Variants in SOX5 observed in about 807,000 individuals in gnomAD.
SOX5 encodes the protein transcription factor SOX-5.
In SOX5, 9 loss-of-function variants were observed where a neutral mutation model predicts 92.0. That is an observed-to-expected ratio of 0.10 (90% CI 0.06 to 0.17). The LOEUF (loss-of-function observed/expected upper bound fraction) is 0.17. SOX5 is among the 10% of genes least tolerant of loss of function. The pLI, the probability that SOX5 is intolerant of heterozygous loss-of-function variation, is 1.00. For synonymous variants in SOX5, 344 were observed against 336.3 expected (o/e 1.02, Z -0.25); for missense variants, 642 against 944.5 (o/e 0.68, Z 4.20).
intron 3 of SOX5, among the ~76,000 whole-genome samples, chr12:23,770,051 T>TTTTG (rs2094877321): frequency 6.8e-6 from 1 of 148,036 alleles, no homozygotes; most frequent in South Asian, 2.2e-4. Flanking sequence ...TCCCTCTGTT[T>TTTTG]TTTTTTTTTT....
intron 1 of SOX5, among the ~76,000 whole-genome samples, chr12:24,395,624 A>T (rs1959720952): frequency 6.6e-6 from 1 of 152,246 alleles, no homozygotes; most frequent in African/African-American, 2.4e-5. Flanking sequence ...AAATGAAAAT[A>T]TGCAATATAA....
At chr12:23,900,499 A>C (rs1471285384) in intron 1 of SOX5, among the ~76,000 whole-genome samples, 1 of 152,172 alleles carries the variant, frequency 6.6e-6, no homozygotes, top group East Asian at 1.9e-4. Flanking sequence ...CAGTGGTTCT[A>C]AACCTTTGCC....
At chr12:24,431,506 C>G (rs933010243) in intron 1 of SOX5, among the ~76,000 whole-genome samples, 7 of 152,206 alleles carry the variant, frequency 4.6e-5, no homozygotes, top group Non-Finnish European at 7.3e-5. Context: ...CTAAACATAT[C>G]TATCACCTCC....
intron 11 of SOX5, among the ~76,000 whole-genome samples, chr12:23,556,485 C>T (rs1293475634): frequency 1.3e-5 from 2 of 152,058 alleles, no homozygotes; most frequent in Non-Finnish European, 2.9e-5. Flanking sequence ...CAAATTCTAA[C>T]CAGAGGATTT....
chr12:24,507,911 G>C (rs1226484855), intron 1 of SOX5, among the ~76,000 whole-genome samples: 1 of 150,886 alleles, frequency 6.6e-6, no homozygotes, highest in Non-Finnish European at 1.5e-5. Context: ...TTTTTTTTTA[G>C]TTTTACCAAG....
intron 2 of SOX5, among the ~76,000 whole-genome samples, chr12:23,891,080 T>C (rs866415817): frequency 6.6e-6 from 1 of 152,234 alleles, no homozygotes; most frequent in Non-Finnish European, 1.5e-5. Flanking sequence ...ATTAGAAATC[T>C]GACAATATTT....
intron 1 of SOX5, among the ~76,000 whole-genome samples, chr12:23,915,315 A>G (rs868234617): frequency 6.4e-4 from 97 of 152,306 alleles, no homozygotes; most frequent in African/African-American, 2.3e-3. Context: ...TAAGGTTAGG[A>G]TACGACACAA....
intron 9 of SOX5, among the ~76,000 whole-genome samples, chr12:23,603,139 G>A (rs77901359): frequency 0.027 from 4,128 of 151,988 alleles, 187 homozygotes; most frequent in African/African-American, 0.093. Flanking sequence ...GGGAATTCTA[G>A]GAAGATGGAG....
chr12:23,953,982 T>C (rs1945976977), upstream of SOX5, among the ~76,000 whole-genome samples: 1 of 152,080 alleles, frequency 6.6e-6, no homozygotes, highest in Non-Finnish European at 1.5e-5. Context: ...AGAACACTGC[T>C]GGAAAATTCT....
intron 3 of SOX5, among the ~76,000 whole-genome samples, chr12:24,247,959 T>A (rs1015666461): frequency 6.6e-6 from 1 of 152,052 alleles, no homozygotes; most frequent in Non-Finnish European, 1.5e-5. Context: ...CAGCCAGCAA[T>A]GGTCTCTTGA....
intron 4 of SOX5, among the ~76,000 whole-genome samples, chr12:24,141,558 T>G (rs1408204884): frequency 6.6e-6 from 1 of 152,204 alleles, no homozygotes; most frequent in Non-Finnish European, 1.5e-5. Context: ...TGTAAACGGC[T>G]GGAAGAATCC....
chr12:23,976,582 G>A (rs1352834581), intron 4 of SOX5, among the ~76,000 whole-genome samples: 4 of 152,062 alleles, frequency 2.6e-5, no homozygotes, highest in African/African-American at 9.7e-5. Flanking sequence ...ATGATTATAA[G>A]TAGATTTGGA....
At chr12:23,744,613 C>T (rs2093918714) in intron 4 of SOX5, among the ~76,000 whole-genome samples, 1 of 151,916 alleles carries the variant, frequency 6.6e-6, no homozygotes, top group Non-Finnish European at 1.5e-5. Context: ...TTATATTTTT[C>T]AATATTATTA....
At chr12:24,144,998 G>A (rs1033118703) in intron 4 of SOX5, among the ~76,000 whole-genome samples, 23 of 151,958 alleles carry the variant, frequency 1.5e-4, no homozygotes, top group Admixed American at 1.0e-3. Flanking sequence ...AGGTGGAGAT[G>A]GGAGAATCAC....
At chr12:24,428,061 GT>G (rs66521566) in intron 1 of SOX5, among the ~76,000 whole-genome samples, 19,392 of 152,054 alleles carry the variant, frequency 0.13, 1,525 homozygotes, top group Non-Finnish European at 0.18. Flanking sequence ...TTTTGAGAAA[GT>G]TAAAATTCAT....
intron 3 of SOX5, among the ~76,000 whole-genome samples, chr12:24,276,201 CTA>C (rs1944409905): frequency 6.6e-6 from 1 of 151,920 alleles, no homozygotes; most frequent in Non-Finnish European, 1.5e-5. Context: ...CCATTATTCG[CTA>C]TGTTTTCTTC....
At position 23,708,325 on chromosome 12, in the gene SOX5, A is replaced by C. The variant is rs543971373; in HGVS notation, c.810+26359T>G. Among the ~76,000 whole-genome samples the C allele has an allele frequency of 1.2e-4, 19 of 152,202 alleles. No homozygotes were observed. In the Middle Eastern group the frequency reaches 0.014, roughly 109 times the overall value. On this transcript the variant is annotated intron_variant, in intron 6 of 14. Transcript: ENST00000451604. ...AGGAAAAGGAATCCATATAAAAAAA[A>C]AAACAAACACAGAGGCTAGAAAGTC...
chr12:23,604,466 T>G lies in SOX5; in HGVS notation c.1085A>C (p.Gln362Pro), dbSNP rs144670919. The G allele has an allele frequency of 8.3e-5, 134 of 1,613,766 alleles. No individual in the cohort carries two copies. Among genetic ancestry groups the G allele is most frequent in the Middle Eastern group, 3.3e-4 (2 of 6,070 alleles). ...AGATACAGCAGCACCAAGGTTGCCTTGGGGTATGCCTGGCAGCTTCCCTCC... is the reference window on the plus strand; with the variant it reads ...AGATACAGCAGCACCAAGGTTGCCTGGGGGTATGCCTGGCAGCTTCCCTCC... ...SPGGKLPGIPQGNLGAAVSPT... is the reference protein window; with the variant it reads ...SPGGKLPGIPPGNLGAAVSPT... Residue 362 changes from glutamine to proline, a missense_variant, in exon 9 of 15, where the codon CAA becomes CCA. Gln to Pro is a moderately conservative substitution (Grantham distance 76). Coordinates refer to ENST00000451604, the MANE Select transcript of SOX5 (RefSeq NM_006940.6).
chr12:23,702,303 A>T (rs938077991), intron 6 of SOX5, among the ~76,000 whole-genome samples: 16 of 152,106 alleles, frequency 1.1e-4, no homozygotes, highest in Non-Finnish European at 2.4e-4. Flanking sequence ...AATTTTAAAC[A>T]GTTTATGCCT....
Sources: allele counts gnomAD v4.1 joint callset (sites outside exome capture counted in the v4.1 genomes callset), GRCh38; gene constraint gnomAD v4.1.1; transcripts MANE v1.5; gene names NCBI Gene and HGNC (gene_info 2026-07-23, HGNC 2026-07-21).